The following FAM83B variants were observed in gnomAD, a reference collection of about 807,000 sequenced individuals.
The protein encoded by FAM83B is protein FAM83B.
A neutral mutation model predicts 38.8 loss-of-function variants in FAM83B; 26 were observed. The ratio of observed to expected loss-of-function variants is 0.67; its 90% CI spans 0.49 to 0.93. The LOEUF (loss-of-function observed/expected upper bound fraction) is 0.93, where lower values mean the gene tolerates loss of function less well. Among genes scored for constraint, FAM83B ranks in the 40% least tolerant of loss-of-function variants. The pLI, the probability that FAM83B is intolerant of heterozygous loss-of-function variation, is 0.00. For missense variants in FAM83B, 1,237 were observed against 1,197.3 expected, an observed-to-expected ratio of 1.03 and a Z score of -0.49; for synonymous variants, 419 against 423.1, an observed-to-expected ratio of 0.99 and a Z score of 0.12.
chr6:54,912,039 TTTC>T (rs1424177009), intron 2 of FAM83B, among the ~76,000 whole-genome samples: 6 of 152,138 alleles, frequency 3.9e-5, no homozygotes, highest in South Asian at 2.1e-4. Flanking sequence ...TTTGTCTCAT[TTTC>T]TTCTTCTTCT....
Position 54,941,223 on chromosome 6 carries a change from C to G in FAM83B, c.2252C>G (p.Ser751Cys). The part of the protein sequence containing the change: ...AALLDVNKEE[S>C]NKELASKKEV... ...TTACTTGATGTGAATAAAGAGGAAT[C>G]TAACAAAGAACTTGCTTCAAAGAAG... Residue 751 changes from serine to cysteine, a missense_variant, in exon 5 of 5, where the codon TCT becomes TGT. Coordinates refer to ENST00000306858, the MANE Select transcript of FAM83B (RefSeq NM_001010872.3). 6.2e-7 allele frequency: 1 copy of G among 1,613,530 alleles called. No individual in the cohort carries two copies. Among genetic ancestry groups the G allele is most frequent in the Non-Finnish European group, 8.5e-7 (1 of 1,179,870 alleles).
intron 1 of FAM83B, among the ~76,000 whole-genome samples, chr6:54,856,402 T>A (rs1771448378): frequency 6.6e-6 from 1 of 152,162 alleles, no homozygotes; most frequent in African/African-American, 2.4e-5. Flanking sequence ...CAGAGTTCTA[T>A]AAACATCAGC....
At chr6:54,916,690 T>C (rs559700021) in intron 2 of FAM83B, among the ~76,000 whole-genome samples, 2 of 152,224 alleles carry the variant, frequency 1.3e-5, no homozygotes, top group African/African-American at 2.4e-5. Flanking sequence ...AAACCAAATA[T>C]ACCTAGCCAA....
chr6:54,894,801 T>C (rs1388697312), intron 2 of FAM83B, among the ~76,000 whole-genome samples: 2 of 152,074 alleles, frequency 1.3e-5, no homozygotes, highest in East Asian at 3.9e-4. Flanking sequence ...ACAAATCTGA[T>C]ATTGTGGTTT....
Position 54,926,580 on chromosome 6 carries a change from T to C in FAM83B, c.609+45T>C, listed in dbSNP as rs150620710. On this transcript the variant is annotated intron_variant, in intron 3 of 4. Transcript: ENST00000306858. ...TTTCCTCAAGTATTTTATGTGTCAT[T>C]TTCAACTCAGTCAAATGTAAGGCAT... 2.3e-4 allele frequency: 329 copies of C among 1,435,676 alleles called. 3 individuals carry two copies. In the East Asian group the frequency reaches 5.2e-3, roughly 23 times the overall value. The allele number at this position is 1,435,676 out of a possible 1,614,324, so 88.9% of individuals were successfully genotyped here.
At chr6:54,889,703 A>G (rs1772358247) in intron 2 of FAM83B, among the ~76,000 whole-genome samples, 1 of 152,138 alleles carries the variant, frequency 6.6e-6, no homozygotes, top group African/African-American at 2.4e-5. Flanking sequence ...TTTTCTGGAA[A>G]CAGAATCATG....
intron 4 of FAM83B, among the ~76,000 whole-genome samples, 157 bp from the exon 5 acceptor site, chr6:54,939,549 G>A (rs1268510456): frequency 1.3e-5 from 2 of 152,056 alleles, no homozygotes; most frequent in Non-Finnish European, 2.9e-5. Context: ...ATGAGGATGG[G>A]AAAACATGTA....
At chr6:54,933,262 T>C (rs1773461692) in intron 4 of FAM83B, among the ~76,000 whole-genome samples, 1 of 152,118 alleles carries the variant, frequency 6.6e-6, no homozygotes, top group African/African-American at 2.4e-5. Context: ...ATTATTCAGT[T>C]ATATTATTTT....
intron 4 of FAM83B, among the ~76,000 whole-genome samples, chr6:54,932,047 G>A (rs893672977): frequency 3.5e-5 from 1 of 28,728 alleles, no homozygotes; most frequent in African/African-American, 1.8e-4. Context: ...TTTCACTTTT[G>A]TTGCCCAAGC....
At chr6:54,895,554 G>A (rs1365524670) in intron 2 of FAM83B, among the ~76,000 whole-genome samples, 1 of 152,088 alleles carries the variant, frequency 6.6e-6, no homozygotes, top group Non-Finnish European at 1.5e-5. Context: ...TTGCACCACA[G>A]TTTTAATACA....
intron 2 of FAM83B, among the ~76,000 whole-genome samples, chr6:54,910,926 A>G (rs1772893280): frequency 2.0e-5 from 3 of 152,202 alleles, no homozygotes; most frequent in African/African-American, 7.2e-5. Flanking sequence ...ATAAGAAAAT[A>G]TACTATAATG....
chr6:54,854,323 T>C lies in FAM83B; in HGVS notation c.-61+7497T>C, dbSNP rs1771388671. The stretch of plus-strand genomic sequence containing the variant: ...TCTAATTTTGAAAGAAGTTTTACCA[T>C]ATGTAAACTGCTGTTAAACAACATT... On this transcript the variant is annotated intron_variant, in intron 1 of 4. Transcript: ENST00000306858. Among the ~76,000 whole-genome samples, 2 of 152,218 alleles carry C rather than the reference T, an allele frequency of 1.3e-5. 1 individual carries two copies. The highest frequency in any genetic ancestry group is 4.1e-4 in the South Asian group (2 of 4,828).
intron 1 of FAM83B, among the ~76,000 whole-genome samples, chr6:54,867,049 T>G (rs1441932261): frequency 6.6e-6 from 1 of 151,916 alleles, no homozygotes; most frequent in African/African-American, 2.4e-5. Flanking sequence ...TAGATAAGCC[T>G]AATGGTCTGC....
chr6:54,909,332 C>T (rs183874209), intron 2 of FAM83B, among the ~76,000 whole-genome samples: 1 of 152,280 alleles, frequency 6.6e-6, no homozygotes, highest in East Asian at 1.9e-4. Flanking sequence ...ATCCAACTCC[C>T]TCTTGGAATG....
chr6:54,918,491 C>T (rs1773096362), intron 2 of FAM83B, among the ~76,000 whole-genome samples: 3 of 152,098 alleles, frequency 2.0e-5, no homozygotes, highest in African/African-American at 7.2e-5. Context: ...AACTTACAAT[C>T]ATGGCAGAAG....
intron 1 of FAM83B, among the ~76,000 whole-genome samples, chr6:54,867,178 AT>A (rs934609632): frequency 6.6e-6 from 1 of 150,978 alleles, no homozygotes; most frequent in African/African-American, 2.4e-5. Context: ...ATAATTCCTT[AT>A]TTTTTATATA....
At position 54,846,812 on chromosome 6, in the gene FAM83B, C is replaced by T. The variant is rs1771145421; in HGVS notation, c.-75C>T. 1 of 152,108 alleles carries T rather than the reference C, an allele frequency of 6.6e-6. No individual in the cohort carries two copies. Among genetic ancestry groups the T allele is most frequent in the African/African-American group, 2.4e-5 (1 of 41,314 alleles). 9.4% of individuals were successfully genotyped at this position (152,108 alleles called of 1,614,324 possible). On this transcript the variant is annotated 5_prime_UTR_variant, in exon 1 of 5. Transcript: ENST00000306858. Reference sequence around the variant, plus strand: ...GCGCTGTGCGGCGGGCGCGGTTGCGCGCGGCTTGGGGCAAGTAAGTGGGGT... The same window carrying T: ...GCGCTGTGCGGCGGGCGCGGTTGCGTGCGGCTTGGGGCAAGTAAGTGGGGT...
intron 4 of FAM83B, among the ~76,000 whole-genome samples, chr6:54,934,304 T>A (rs1773484985): frequency 6.6e-6 from 1 of 152,176 alleles, no homozygotes; most frequent in Admixed American, 6.6e-5. Flanking sequence ...CATCTGTTAA[T>A]CTTTGTTATG....
rs1773760374 is a variant in FAM83B at position 54,944,300 on chromosome 6, G to A, written c.*2293G>A. On this transcript the variant is annotated 3_prime_UTR_variant, in exon 5 of 5. Transcript: ENST00000306858. ...CTTTTTTTCCCCATATTAATATTGGGGGGCGGATAATATCACTTTGATGTA... is the reference window on the plus strand; with the variant it reads ...CTTTTTTTCCCCATATTAATATTGGAGGGCGGATAATATCACTTTGATGTA... The A allele has an allele frequency of 6.6e-6, 1 of 152,038 alleles. No individual in the cohort carries two copies. The highest frequency in any genetic ancestry group is 1.5e-5 in the Non-Finnish European group (1 of 68,022). The allele number at this position is 152,038 out of a possible 1,614,324, so 9.4% of individuals were successfully genotyped here.
Sources: gnomAD v4.1 joint callset for allele counts (sites outside exome capture counted in the v4.1 genomes callset) on GRCh38, gnomAD v4.1.1 for gene constraint, MANE v1.5 for transcripts, NCBI Gene and HGNC (gene_info 2026-07-23, HGNC 2026-07-21) for gene names.